The following PCSK5 variants were observed in gnomAD, a reference collection of about 807,000 sequenced individuals.
The protein encoded by PCSK5 is proprotein convertase subtilisin/kexin type 5.
A neutral mutation model predicts 233.2 loss-of-function variants in PCSK5; 129 were observed. The observed-to-expected ratio is 0.55, with a 90% CI of 0.48 to 0.64. The LOEUF is 0.64. Ranked by LOEUF, PCSK5 falls within the 30% of genes least tolerant of loss-of-function variation. The pLI is 0.00. For missense variants in PCSK5, 2,076 were observed against 2,430.1 expected (o/e 0.85, Z 3.06); for synonymous variants, 825 against 879.2 (o/e 0.94, Z 1.09).
At chr9:76,043,763 T>C (rs1427213949) in intron 5 of PCSK5, among the ~76,000 whole-genome samples, 1 of 152,156 alleles carries the variant, frequency 6.6e-6, no homozygotes, top group Non-Finnish European at 1.5e-5. Flanking sequence ...GTAGAGACAG[T>C]GCTTCACCAT....
chr9:76,262,910 T>A (rs1827223377), intron 24 of PCSK5, among the ~76,000 whole-genome samples: 1 of 150,046 alleles, frequency 6.7e-6, no homozygotes. Context: ...GAATCTACAA[T>A]GAACTCAAAC....
intron 9 of PCSK5, among the ~76,000 whole-genome samples, chr9:76,122,565 G>A (rs1188126348): frequency 6.6e-6 from 1 of 151,940 alleles, no homozygotes; most frequent in African/African-American, 2.4e-5. Flanking sequence ...CAACACTGGT[G>A]TTTGGTGACG....
rs547153776 is a variant in PCSK5 at position 76,070,311 on chromosome 9, A to T, written c.722-1415A>T. Among the ~76,000 whole-genome samples the T allele has an allele frequency of 3.9e-5, 6 of 152,278 alleles. No homozygotes were observed. In the East Asian group the frequency reaches 7.7e-4, roughly 20 times the overall value. On this transcript the variant is annotated intron_variant, in intron 6 of 37. Coordinates refer to ENST00000674117, the MANE Select transcript of PCSK5 (RefSeq NM_001372043.1). ...CACCGCACCCGTCCCCAAAATTTTT[A>T]ATGGAACTTGTTCACAGCTTTCATT...
rs1829208781 is a variant in PCSK5 at position 76,321,638 on chromosome 9, A to AG, written c.4102+1dup. 1.2e-6 allele frequency: 2 copies of AG among 1,603,310 alleles called. No individual in the cohort carries two copies. Among genetic ancestry groups the AG allele is most frequent in the Non-Finnish European group, 1.7e-6 (2 of 1,171,830 alleles). On this transcript the variant is annotated frameshift_variant and splice_region_variant, in exon 31 of 38. Transcript: ENST00000674117. LOFTEE classifies it high-confidence loss of function. ...ACTGCATCCATGAGAAAACATGCAAAGGTACCTAGGAGCTTCCCACAGGAG... is the reference window on the plus strand; with the variant it reads ...ACTGCATCCATGAGAAAACATGCAAAGGGTACCTAGGAGCTTCCCACAGGAG...
At chr9:76,327,102 A>ATTTT (rs56100078) in intron 32 of PCSK5, among the ~76,000 whole-genome samples, 4 of 128,186 alleles carry the variant, frequency 3.1e-5, no homozygotes, top group Non-Finnish European at 3.3e-5. Flanking sequence ...GCCCATCTCT[A>ATTTT]TTTTTTTTTT....
rs138035385 is a variant in PCSK5, at chr9:75,964,242, A to G, written c.298-21890A>G. 5.1e-3 allele frequency among the ~76,000 whole-genome samples: 784 copies of G among 152,338 alleles called. 9 individuals are homozygous for G. The highest frequency in any genetic ancestry group is 0.018 in the African/African-American group (732 of 41,576). ...AATACCAGGGAAATCTAAATTCCAT[A>G]CTTAGGTAGCTCAGATCATAACTGG... On this transcript the variant is annotated intron_variant, in intron 2 of 37. Transcript: ENST00000674117.
rs550396337 is a variant in PCSK5 at position 76,283,179 on chromosome 9, G to A, written c.3143-9054G>A. ...TTTAGAATATTACATAAATTTAGTT[G>A]ATAAAGTAGCAGCAGAATTTGAGAG... is the stretch of plus-strand genomic sequence containing the variant. On this transcript the variant is annotated intron_variant, in intron 24 of 37. Transcript: ENST00000674117. Among the ~76,000 whole-genome samples, 4 of 152,330 alleles carry A rather than the reference G, an allele frequency of 2.6e-5. No individual in the cohort carries two copies. The East Asian group carries it at 7.7e-4, about 29-fold the overall frequency.
chr9:76,198,319 G>A (rs1400610595), intron 20 of PCSK5, among the ~76,000 whole-genome samples: 5 of 152,262 alleles, frequency 3.3e-5, no homozygotes, highest in Non-Finnish European at 5.9e-5. Flanking sequence ...TTCCAGAAAC[G>A]TTCCCTGAGG....
chr9:76,222,850 G>T (rs1306264169), intron 20 of PCSK5, among the ~76,000 whole-genome samples: 1 of 146,078 alleles, frequency 6.8e-6, no homozygotes, highest in Non-Finnish European at 1.6e-5. Flanking sequence ...TATTATAGCT[G>T]GCGAAAAAAA....
At chr9:76,049,202 T>C (rs1326218975) in intron 5 of PCSK5, among the ~76,000 whole-genome samples, 2 of 152,168 alleles carry the variant, frequency 1.3e-5, no homozygotes, top group Non-Finnish European at 2.9e-5. Flanking sequence ...GCAGAAAATA[T>C]TTGGCGATTC....
At chr9:76,080,745 T>C (rs1448695858) in intron 7 of PCSK5, among the ~76,000 whole-genome samples, 1 of 152,198 alleles carries the variant, frequency 6.6e-6, no homozygotes, top group African/African-American at 2.4e-5. Context: ...AAATGCTTTA[T>C]AGTAATGTTG....
intron 30 of PCSK5, 98 bp from the exon 31 acceptor site, chr9:76,321,324 C>T: frequency 2.9e-6 from 2 of 682,238 alleles, no homozygotes; most frequent in Non-Finnish European, 5.3e-6. Flanking sequence ...ACGACAGCAG[C>T]AGCCCTTTTG....
At chr9:76,006,973 GTTTTCTTTATTAGTTACT>G (rs1827504864) in intron 3 of PCSK5, among the ~76,000 whole-genome samples, 1 of 152,066 alleles carries the variant, frequency 6.6e-6, no homozygotes, top group Non-Finnish European at 1.5e-5. Flanking sequence ...TTATTTGCCA[GTTTTCTTTATTAGTTACT>G]TTTTCTTGAA....
intron 5 of PCSK5, among the ~76,000 whole-genome samples, chr9:76,043,334 T>TAAA (rs1175547019): frequency 2.8e-5 from 1 of 36,322 alleles, no homozygotes; most frequent in African/African-American, 7.9e-5. Context: ...AGACTCCATC[T>TAAA]CAAAAAAAAA....
chr9:76,062,250 A>G (rs551537029), intron 5 of PCSK5, among the ~76,000 whole-genome samples: 118 of 139,902 alleles, frequency 8.4e-4, no homozygotes, highest in Non-Finnish European at 1.6e-3. Flanking sequence ...CCCGTCTCCT[A>G]AAAAAAAAAT....
chr9:76,351,284 A>G (rs1028739742), intron 36 of PCSK5, among the ~76,000 whole-genome samples: 2 of 151,834 alleles, frequency 1.3e-5, no homozygotes, highest in African/African-American at 4.8e-5. Context: ...TGTCTGGTCT[A>G]AGCAGAAATG....
At chr9:76,081,774 C>G (rs930343279) in intron 7 of PCSK5, among the ~76,000 whole-genome samples, 1 of 152,018 alleles carries the variant, frequency 6.6e-6, no homozygotes, top group African/African-American at 2.4e-5. Flanking sequence ...GATGGCTCTC[C>G]CATTCACCCA....
chr9:76,065,616 G>A (rs1174590559), intron 5 of PCSK5, among the ~76,000 whole-genome samples: 1 of 152,132 alleles, frequency 6.6e-6, no homozygotes, highest in Admixed American at 6.5e-5. Flanking sequence ...TTTTCACTCT[G>A]TTAATTGATT....
chr9:76,332,523 G>A lies in PCSK5; in HGVS notation c.4661G>A (p.Cys1554Tyr). The change falls in exon 34 of 38, where the codon TGT becomes TAT. Residue 1554 changes from cysteine to tyrosine, a missense_variant. Transcript: ENST00000674117. ...CAHCHSSCRT[C>Y]EGRHSRQCHS... Reference sequence around the variant, plus strand: ...CACTGCCACAGCTCTTGCAGGACATGTGAAGGGAGACACAGCAGGCAGTGC... The same window carrying A: ...CACTGCCACAGCTCTTGCAGGACATATGAAGGGAGACACAGCAGGCAGTGC... 6.2e-7 allele frequency: 1 copy of A among 1,612,792 alleles called. No homozygotes were observed. Among genetic ancestry groups the A allele is most frequent in the Non-Finnish European group, 8.5e-7 (1 of 1,179,802 alleles).
Sources: gnomAD v4.1 joint callset for allele counts (sites outside exome capture counted in the v4.1 genomes callset) on GRCh38, gnomAD v4.1.1 for gene constraint, MANE v1.5 for transcripts, NCBI Gene and HGNC (gene_info 2026-07-23, HGNC 2026-07-21) for gene names.